MSANTD3: variants seen among roughly 807,000 people sequenced by gnomAD.
The protein encoded by MSANTD3 is Myb/SANT DNA binding domain containing 3.
In MSANTD3, 11 loss-of-function variants were observed where a neutral mutation model predicts 27.7. That is an observed-to-expected ratio of 0.40 (90% confidence interval 0.25 to 0.66). The LOEUF is 0.66. Ranked by LOEUF, MSANTD3 falls within the 30% of genes least tolerant of loss-of-function variation. The pLI is 0.41. For synonymous variants in MSANTD3, 131 were observed against 127.2 expected, an observed-to-expected ratio of 1.03 and a Z score of -0.20; for missense variants, 250 against 336.5, an observed-to-expected ratio of 0.74 and a Z score of 2.01.
chr9:100,430,615 G>A (rs941453726), intron 1 of MSANTD3, among the ~76,000 whole-genome samples: 24 of 152,212 alleles, frequency 1.6e-4, no homozygotes, highest in African/African-American at 5.1e-4. Context: ...GTAGTTGTGT[G>A]GAAGAGGGTA....
intron 1 of MSANTD3, among the ~76,000 whole-genome samples, chr9:100,428,621 G>A (rs1333041739): frequency 1.3e-5 from 2 of 152,124 alleles, no homozygotes; most frequent in Non-Finnish European, 2.9e-5. Flanking sequence ...GGGGAGGGAT[G>A]TTATAGGTTG....
intron 1 of MSANTD3, among the ~76,000 whole-genome samples, chr9:100,438,410 AAG>A (rs955362210): frequency 1.1e-4 from 16 of 151,402 alleles, no homozygotes; most frequent in East Asian, 9.6e-4. Flanking sequence ...AAATAGAAAA[AAG>A]AGATTTATTT....
At chr9:100,449,959 A>G (rs978019438) in intron 2 of MSANTD3, among the ~76,000 whole-genome samples, 2 of 152,298 alleles carry the variant, frequency 1.3e-5, no homozygotes, top group Admixed American at 6.5e-5. Context: ...AAACTCCCCA[A>G]ATGGCAGTGC....
intron 1 of MSANTD3, among the ~76,000 whole-genome samples, chr9:100,439,211 G>A (rs1836546051): frequency 6.6e-6 from 1 of 152,258 alleles, no homozygotes; most frequent in Non-Finnish European, 1.5e-5. Flanking sequence ...AATTTGAAGG[G>A]TCTCTGATCT....
chr9:100,438,499 G>T (rs1836530778), intron 1 of MSANTD3, among the ~76,000 whole-genome samples: 1 of 152,000 alleles, frequency 6.6e-6, no homozygotes, highest in Admixed American at 6.6e-5. Context: ...AACAAAATGG[G>T]GAGTAATCCT....
intron 1 of MSANTD3, among the ~76,000 whole-genome samples, chr9:100,433,459 T>C (rs1371126554): frequency 6.6e-6 from 1 of 152,112 alleles, no homozygotes; most frequent in African/African-American, 2.4e-5. Flanking sequence ...AACCTCAACC[T>C]CCTGGGCTCA....
At position 100,451,187 on chromosome 9, in the gene MSANTD3, T is replaced by A; in HGVS notation, c.*221T>A. 4.3e-6 allele frequency: 2 copies of A among 466,626 alleles called. No individual in the cohort carries two copies. Among genetic ancestry groups the A allele is most frequent in the South Asian group, 1.0e-4 (2 of 19,078 alleles). 28.9% of individuals were successfully genotyped at this position (466,626 alleles called of 1,614,324 possible). A position where few individuals can be genotyped will look rare whatever the true frequency, so the allele number is the denominator to read the frequency against. Reference sequence around the variant, plus strand: ...TTCTGAAAATTATCACTATGAGTGCTATAATTCTGAATATAATGTCTCTTA... The same window carrying A: ...TTCTGAAAATTATCACTATGAGTGCAATAATTCTGAATATAATGTCTCTTA... On this transcript the variant is annotated 3_prime_UTR_variant, in exon 3 of 3. Coordinates refer to ENST00000395067, the MANE Select transcript of MSANTD3 (RefSeq NM_080655.3).
intron 1 of MSANTD3, among the ~76,000 whole-genome samples, chr9:100,440,329 T>C (rs1836581199): frequency 6.6e-6 from 1 of 152,194 alleles, no homozygotes; most frequent in Admixed American, 6.5e-5. Context: ...CTTTGTGATC[T>C]TGTGCAATCC....
intron 1 of MSANTD3, chr9:100,429,685 C>T (rs1836323543): frequency 6.6e-6 from 1 of 152,082 alleles, no homozygotes; most frequent in Admixed American, 6.6e-5. Flanking sequence ...CCTTATGACA[C>T]AGGTTTTTGT....
chr9:100,448,805 C>T (rs537187349), intron 2 of MSANTD3: 3 of 985,302 alleles, frequency 3.0e-6, no homozygotes, highest in South Asian at 4.7e-5. Context: ...TTCCAAGAGA[C>T]ATTTTCATTA....
chr9:100,447,961 C>T (rs1014255662), intron 2 of MSANTD3, among the ~76,000 whole-genome samples: 4 of 151,978 alleles, frequency 2.6e-5, no homozygotes, highest in African/African-American at 4.8e-5. Flanking sequence ...GAGGCCAAGG[C>T]GGGCCGATTG....
chr9:100,437,081 A>G (rs577953641), intron 1 of MSANTD3, among the ~76,000 whole-genome samples: 1 of 152,316 alleles, frequency 6.6e-6, no homozygotes, highest in Non-Finnish European at 1.5e-5. Flanking sequence ...CTGGGATTAC[A>G]GGTGTGAACC....
rs1036508721 is a variant in MSANTD3, at chr9:100,427,250, GCGCCGCCGC to G, written c.-163_-155del. On this transcript the variant is annotated 5_prime_UTR_variant, in exon 1 of 3. Transcript: ENST00000395067. ...CGGCGGGGCCTGGCCGGCCGGGGGC[GCGCCGCCGC>G]CGCCGCCGCCGCCCGGCGTTCGGGA... 6 of 145,468 alleles carry G rather than the reference GCGCCGCCGC, an allele frequency of 4.1e-5. No homozygotes were observed. Among genetic ancestry groups the G allele is most frequent in the African/African-American group, 7.4e-5 (3 of 40,662 alleles). The allele number at this position is 145,468 out of a possible 1,614,324, so 9.0% of individuals were successfully genotyped here.
At chr9:100,427,860 G>T (rs779981886) in intron 1 of MSANTD3, among the ~76,000 whole-genome samples, 3 of 152,136 alleles carry the variant, frequency 2.0e-5, no homozygotes, top group Non-Finnish European at 2.9e-5. Flanking sequence ...GATGAAGGCC[G>T]AGCATCACAT....
In MSANTD3 at chr9:100,451,690, A is replaced by G. The variant is rs1836892972; in HGVS notation, c.*724A>G. On this transcript the variant is annotated 3_prime_UTR_variant, in exon 3 of 3. Coordinates refer to ENST00000395067, the MANE Select transcript of MSANTD3 (RefSeq NM_080655.3). Reference sequence around the variant, plus strand: ...AAGAAATGTTCGTTTAGATTTCTACATTCTGTTATGTTGGTTTTATTAAAA... The same window carrying G: ...AAGAAATGTTCGTTTAGATTTCTACGTTCTGTTATGTTGGTTTTATTAAAA... 1.3e-5 allele frequency: 2 copies of G among 148,950 alleles called. No homozygotes were observed. Among genetic ancestry groups the G allele is most frequent in the Admixed American group, 1.3e-4 (2 of 14,936 alleles). 9.2% of individuals were successfully genotyped at this position (148,950 alleles called of 1,614,324 possible).
intron 1 of MSANTD3, among the ~76,000 whole-genome samples, chr9:100,430,962 G>T (rs1836363061): frequency 6.6e-6 from 1 of 151,968 alleles, no homozygotes; most frequent in South Asian, 2.1e-4. Context: ...TTGGAAGAGA[G>T]GTTCTTCCAT....
chr9:100,443,642 A>G (rs1836683750), intron 2 of MSANTD3, among the ~76,000 whole-genome samples: 1 of 152,188 alleles, frequency 6.6e-6, no homozygotes, highest in South Asian at 2.1e-4. Context: ...TTGGGGAAAA[A>G]AACACTGTCA....
chr9:100,435,391 C>G (rs746761047), intron 1 of MSANTD3, among the ~76,000 whole-genome samples: 3 of 152,204 alleles, frequency 2.0e-5, no homozygotes, highest in Non-Finnish European at 4.4e-5. Flanking sequence ...CCCCTTTCCA[C>G]AAAGAGCAAG....
At chr9:100,427,781 C>T (rs923100388) in intron 1 of MSANTD3, among the ~76,000 whole-genome samples, 2 of 152,160 alleles carry the variant, frequency 1.3e-5, no homozygotes, top group Non-Finnish European at 2.9e-5. Context: ...CTTTTCCATA[C>T]TTGTCTCCTT....
Sources: allele counts gnomAD v4.1 joint callset (sites outside exome capture counted in the v4.1 genomes callset), GRCh38; gene constraint gnomAD v4.1.1; transcripts MANE v1.5; gene names NCBI Gene and HGNC (gene_info 2026-07-23, HGNC 2026-07-21).